Variants in MAML3 observed in about 807,000 individuals in gnomAD.
The protein encoded by MAML3 is mastermind like transcriptional coactivator 3.
In MAML3, 27 loss-of-function variants were observed where a neutral mutation model predicts 101.9. The observed-to-expected ratio is 0.27, with a 90% CI of 0.20 to 0.37. The LOEUF (loss-of-function observed/expected upper bound fraction) is 0.37. Among genes scored for constraint, MAML3 ranks in the 10% least tolerant of loss-of-function variants. The pLI is 1.00. For synonymous variants in MAML3, 501 were observed against 555.9 expected, an observed-to-expected ratio of 0.90 and a Z score of 1.39; for missense variants, 1,316 against 1,444.9, an observed-to-expected ratio of 0.91 and a Z score of 1.45.
rs752135820 is a variant in MAML3 at position 139,889,619 on chromosome 4, G to C, written c.1817C>G (p.Thr606Ser). The change falls in exon 2 of 5, where the codon ACC becomes AGC. Residue 606 changes from threonine (T) to serine (S), a missense_variant. Thr to Ser is a moderately conservative substitution (Grantham distance 58, BLOSUM62 1). Coordinates refer to ENST00000509479, the MANE Select transcript of MAML3 (RefSeq NM_018717.5). The part of the protein sequence containing the change: ...ILTYGNTKPL[T>S]HFNADLSQRM... ...CTGACTCAGGTCTGCATTGAAGTGG[G>C]TCAGGGGTTTAGTGTTGCCATAAGT... 5.6e-6 allele frequency: 9 copies of C among 1,613,952 alleles called. No individual in the cohort carries two copies. The highest frequency in any genetic ancestry group is 7.6e-6 in the Non-Finnish European group (9 of 1,179,884).
intron 1 of MAML3, among the ~76,000 whole-genome samples, chr4:140,010,044 A>C (rs1181322707): frequency 6.6e-6 from 1 of 152,226 alleles, no homozygotes; most frequent in African/African-American, 2.4e-5. Context: ...TTCCACATCC[A>C]AAAAATTTTG....
At chr4:139,822,439 C>A (rs922978567) in intron 2 of MAML3, among the ~76,000 whole-genome samples, 3 of 152,126 alleles carry the variant, frequency 2.0e-5, no homozygotes, top group African/African-American at 7.2e-5. Flanking sequence ...CGCACTGTAC[C>A]CCTCTGGGCA....
intron 2 of MAML3, among the ~76,000 whole-genome samples, chr4:139,751,429 G>A (rs1375629210): frequency 1.3e-5 from 2 of 152,214 alleles, no homozygotes; most frequent in African/African-American, 4.8e-5. Context: ...CACATAGTGT[G>A]AAGGTAATTA....
chr4:140,140,620 CA>C (rs2111053406), intron 1 of MAML3, among the ~76,000 whole-genome samples: 1 of 152,228 alleles, frequency 6.6e-6, no homozygotes, highest in South Asian at 2.1e-4. Context: ...AAGGCTAAAC[CA>C]AATCTAGATC....
chr4:140,153,047 C>T lies in MAML3; in HGVS notation c.281G>A (p.Arg94Lys). 2.5e-6 allele frequency: 4 copies of T among 1,583,512 alleles called. No homozygotes were observed. The highest frequency in any genetic ancestry group is 3.4e-6 in the Non-Finnish European group (4 of 1,164,582). The change falls in exon 1 of 5, where the codon AGG becomes AAG. Residue 94 changes from arginine to lysine, a missense_variant. Transcript: ENST00000509479. Reference sequence around the variant, plus strand: ...CTGCTCCACCTGAGCCTGCTGGTACCTGTTCTCGCAGTTGACGTGGTGCCG... The same window carrying T: ...CTGCTCCACCTGAGCCTGCTGGTACTTGTTCTCGCAGTTGACGTGGTGCCG... The part of the protein sequence containing the change: ...CRRHHVNCEN[R>K]YQQAQVEQLE...
At chr4:139,869,521 GC>G (rs1731961285) in intron 2 of MAML3, among the ~76,000 whole-genome samples, 1 of 152,160 alleles carries the variant, frequency 6.6e-6, no homozygotes, top group Non-Finnish European at 1.5e-5. Context: ...AAAATGTCTT[GC>G]CAAAATGATG....
intron 1 of MAML3, among the ~76,000 whole-genome samples, chr4:139,939,764 CTTT>C (rs1233151703): frequency 1.5e-5 from 2 of 133,418 alleles, no homozygotes. Context: ...CAGGCACTTG[CTTT>C]TTTTTTTTTT....
At chr4:139,965,933 A>AT (rs1329754910) in intron 1 of MAML3, among the ~76,000 whole-genome samples, 3 of 152,298 alleles carry the variant, frequency 2.0e-5, no homozygotes, top group Admixed American at 2.0e-4. Flanking sequence ...AGCTCACAGG[A>AT]TTGGGGGAAG....
intron 1 of MAML3, among the ~76,000 whole-genome samples, chr4:139,914,967 T>C (rs1400068188): frequency 6.6e-6 from 1 of 151,116 alleles, no homozygotes; most frequent in African/African-American, 2.5e-5. Flanking sequence ...TTTTTTTTTC[T>C]CTGATGTGAT....
intron 1 of MAML3, among the ~76,000 whole-genome samples, chr4:139,988,220 G>A (rs1734587379): frequency 6.6e-6 from 1 of 150,694 alleles, no homozygotes; most frequent in Admixed American, 6.6e-5. Flanking sequence ...CCAGCTACTC[G>A]GGAGGCTGAG....
intron 1 of MAML3, among the ~76,000 whole-genome samples, chr4:140,121,179 G>A (rs1728600719): frequency 1.3e-5 from 2 of 152,260 alleles, no homozygotes; most frequent in African/African-American, 4.8e-5. Flanking sequence ...TTTTTATCTT[G>A]CACAGTGGTA....
intron 1 of MAML3, among the ~76,000 whole-genome samples, chr4:140,105,036 T>C (rs1158303601): frequency 6.6e-6 from 1 of 151,970 alleles, no homozygotes; most frequent in African/African-American, 2.4e-5. Flanking sequence ...TAAAAGAAAG[T>C]CCTGGTATTT....
intron 2 of MAML3, among the ~76,000 whole-genome samples, chr4:139,768,482 T>C (rs1019992609): frequency 1.3e-5 from 2 of 152,248 alleles, no homozygotes; most frequent in Admixed American, 1.3e-4. Context: ...TAGTATTTAC[T>C]ATTGCTCAGA....
intron 2 of MAML3, among the ~76,000 whole-genome samples, chr4:139,757,825 C>G (rs113468106): frequency 1.3e-5 from 2 of 152,008 alleles, no homozygotes; most frequent in African/African-American, 4.8e-5. Flanking sequence ...TGCCTCCAGT[C>G]CCCCTACCTT....
chr4:140,109,256 A>G (rs1277217473), intron 1 of MAML3, among the ~76,000 whole-genome samples: 1 of 152,212 alleles, frequency 6.6e-6, no homozygotes, highest in Non-Finnish European at 1.5e-5. Context: ...ATTCAAGTAG[A>G]TGTAGTCCAG....
At chr4:140,058,970 T>C (rs377430278) in intron 1 of MAML3, among the ~76,000 whole-genome samples, 8 of 152,326 alleles carry the variant, frequency 5.3e-5, no homozygotes, top group African/African-American at 1.7e-4. Flanking sequence ...ACGCCGGTAA[T>C]GGCATCTGTT....
chr4:139,927,160 G>A (rs1285203915), intron 1 of MAML3, among the ~76,000 whole-genome samples: 1 of 148,996 alleles, frequency 6.7e-6, no homozygotes, highest in Non-Finnish European at 1.5e-5. Context: ...CTGACTTCAA[G>A]TGATCCACCC....
At chr4:139,762,480 C>A (rs1395470953) in intron 2 of MAML3, among the ~76,000 whole-genome samples, 2 of 152,104 alleles carry the variant, frequency 1.3e-5, no homozygotes, top group Non-Finnish European at 2.9e-5. Flanking sequence ...TTGTGGCTGG[C>A]CCTGATTAAT....
chr4:140,153,482 CGG>C lies in MAML3; in HGVS notation c.-157_-156del. The C allele has an allele frequency of 1.4e-6, 1 of 713,966 alleles. No homozygotes were observed. The highest frequency in any genetic ancestry group is 2.0e-6 in the Non-Finnish European group (1 of 511,592). The allele number at this position is 713,966 out of a possible 1,614,324, so 44.2% of individuals were successfully genotyped here. ...GGCGATCCCGACGGGGCGAAAAAAA[CGG>C]GGGGGGAGATTTTGGGGTGGTTTTT... On this transcript the variant is annotated 5_prime_UTR_variant, in exon 1 of 5. Coordinates refer to ENST00000509479, the MANE Select transcript of MAML3 (RefSeq NM_018717.5).
Sources: gnomAD v4.1 joint callset for allele counts (sites outside exome capture counted in the v4.1 genomes callset) on GRCh38, gnomAD v4.1.1 for gene constraint, MANE v1.5 for transcripts, NCBI Gene and HGNC (gene_info 2026-07-23, HGNC 2026-07-21) for gene names.